The following FAM120C variants were observed in gnomAD, a reference collection of about 807,000 sequenced individuals.
FAM120C encodes the protein constitutive coactivator of PPAR-gamma-like protein 2.
FAM120C carries 14 observed loss-of-function variants against 71.2 expected under a neutral mutation model. The ratio of observed to expected loss-of-function variants is 0.20; its 90% confidence interval spans 0.13 to 0.31. FAM120C has a LOEUF of 0.31. Among genes scored for constraint, FAM120C ranks in the 10% least tolerant of loss-of-function variants. The probability of loss-of-function intolerance (pLI) is 1.00; values close to 1 mark genes in which losing one functional copy is unlikely to be tolerated. For synonymous variants in FAM120C, 354 were observed against 353.2 expected (o/e 1.00, Z -0.03); for missense variants, 500 against 879.0 (o/e 0.57, Z 5.45).
chrX:54,167,316 A>C (rs1557135290), intron 1 of FAM120C, among the ~76,000 whole-genome samples: 2 of 112,134 alleles, frequency 1.8e-5, no homozygotes, highest in African/African-American at 6.5e-5. Flanking sequence ...CGCCTGGCCC[A>C]AATTGGTCCA....
At position 54,082,000 on chromosome X, in the gene FAM120C, T is replaced by G. The variant is rs375061724; in HGVS notation, c.2840-540A>C. ...GAGTTCGAGAGCAGCCTGGCCAACA[T>G]GGGGAAACCTCGCCTCTACTAAAAA... On this transcript the variant is annotated intron_variant, in intron 13 of 15. Transcript: ENST00000375180. 1.1e-3 allele frequency among the ~76,000 whole-genome samples: 119 copies of G among 108,312 alleles called. No homozygotes were observed. The South Asian group carries it at 0.046, about 42-fold the overall frequency. The allele number at this position is 108,312 out of a possible 115,157, so 94.1% of individuals were successfully genotyped here.
intron 10 of FAM120C, among the ~76,000 whole-genome samples, chrX:54,108,656 C>T (rs781865231): frequency 2.1e-4 from 23 of 111,279 alleles, no homozygotes; most frequent in Admixed American, 2.0e-3. Context: ...AATGGCCAGG[C>T]GCGGTGGCTC....
intron 9 of FAM120C, among the ~76,000 whole-genome samples, chrX:54,128,190 C>T (rs1557128360): frequency 9.1e-6 from 1 of 109,993 alleles, no homozygotes; most frequent in East Asian, 2.9e-4. Context: ...CCTCAAGAAG[C>T]TGGGATTACA....
In FAM120C at chrX:54,135,903, A is replaced by C. The variant is rs184329367; in HGVS notation, c.1259-299T>G. On this transcript the variant is annotated intron_variant, in intron 5 of 15. Coordinates refer to ENST00000375180, the MANE Select transcript of FAM120C (RefSeq NM_017848.6). ...GACCCCAAAGACAGGGATATTTTAC[A>C]TATACCAGGCCAGAATGGGGGTTGG... 4.0e-3 allele frequency among the ~76,000 whole-genome samples: 441 copies of C among 111,363 alleles called. 3 individuals are homozygous for C. Among genetic ancestry groups the C allele is most frequent in the South Asian group, 0.022 (59 of 2,651 alleles).
At chrX:54,106,901 C>T (rs909462324) in intron 10 of FAM120C, among the ~76,000 whole-genome samples, 7 of 111,638 alleles carry the variant, frequency 6.3e-5, no homozygotes, top group Non-Finnish European at 1.1e-4. Flanking sequence ...CAGGAAACAA[C>T]AGATGCTGGA....
chrX:54,170,219 C>T (rs191402297), intron 1 of FAM120C, among the ~76,000 whole-genome samples: 2 of 111,398 alleles, frequency 1.8e-5, no homozygotes, highest in Admixed American at 1.9e-4. Context: ...TCACTGCAAC[C>T]TCCACCTCTG....
intron 10 of FAM120C, among the ~76,000 whole-genome samples, chrX:54,104,823 A>T (rs781835788): frequency 1.8e-5 from 2 of 110,514 alleles, no homozygotes; most frequent in Admixed American, 2.0e-4. Context: ...GGGAAAAAAA[A>T]GAAAAAGAAA....
intron 3 of FAM120C, among the ~76,000 whole-genome samples, chrX:54,155,475 C>A (rs782642531): frequency 2.4e-4 from 27 of 111,543 alleles, no homozygotes; most frequent in Non-Finnish European, 1.7e-4. Flanking sequence ...CAGCTAGCCA[C>A]TGGGTTTATT....
At chrX:54,141,946 G>GA (rs2067127684) in intron 4 of FAM120C, among the ~76,000 whole-genome samples, 1 of 111,537 alleles carries the variant, frequency 9.0e-6, no homozygotes, top group African/African-American at 3.2e-5. Flanking sequence ...TTTAGCTGAT[G>GA]AAAAAAATCA....
intron 4 of FAM120C, among the ~76,000 whole-genome samples, chrX:54,143,360 A>T (rs2067136889): frequency 9.1e-6 from 1 of 109,494 alleles, no homozygotes; most frequent in Non-Finnish European, 1.9e-5. Context: ...CCTTCAAAAA[A>T]ATCAATGAAT....
At chrX:54,115,050 C>T (rs782011926) in intron 10 of FAM120C, among the ~76,000 whole-genome samples, 3 of 111,953 alleles carry the variant, frequency 2.7e-5, no homozygotes, top group African/African-American at 9.7e-5. Context: ...TGAGCCACCA[C>T]GCCCAGCCAA....
At chrX:54,160,612 A>G (rs781782777) in intron 1 of FAM120C, among the ~76,000 whole-genome samples, 1 of 111,871 alleles carries the variant, frequency 8.9e-6, no homozygotes, top group South Asian at 3.7e-4. Flanking sequence ...TACCGGCTCC[A>G]CCAAATTAAG....
chrX:54,180,289 C>T (rs1219856023), intron 1 of FAM120C, among the ~76,000 whole-genome samples: 1 of 112,413 alleles, frequency 8.9e-6, no homozygotes, highest in Admixed American at 9.4e-5. Context: ...ATCTACAGCC[C>T]TCTTCATGGC....
intron 4 of FAM120C, among the ~76,000 whole-genome samples, chrX:54,139,329 T>TTTTATTTATTTATTTATTTA (rs375711849): frequency 0.015 from 1,344 of 88,956 alleles, 23 homozygotes; most frequent in African/African-American, 0.022. Flanking sequence ...TTTTTTTTGC[T>TTTTATTTATTTATTTATTTA]TTTATTTATT....
At position 54,183,005 on chromosome X, in the gene FAM120C, G is replaced by A. The variant is rs782089519; in HGVS notation, c.194C>T (p.Pro65Leu). The change falls in exon 1 of 16, where the codon CCG (proline) becomes CTG (leucine). Residue 65 changes from proline (P) to leucine (L), a missense_variant. By Grantham distance (98) the Pro-to-Leu change is moderately conservative (BLOSUM62 -3). Around this residue, in one of 11 missense-constraint regions of FAM120C, gnomAD observed 79 missense variants for 78.3 expected, o/e 1.01. Transcript: ENST00000375180. ...ACCCAAGGCAGCGGGCGGAAGCGGC[G>A]GTTGCAGAGGCACGGAGCCCCTGGC... Reference protein sequence around the residue: ...RAARGSVPLQPPLPPAALGAY... With the variant: ...RAARGSVPLQLPLPPAALGAY... 1.7e-6 allele frequency: 2 copies of A among 1,157,375 alleles called. No homozygotes were observed. The highest frequency in any genetic ancestry group is 3.3e-5 in the East Asian group (1 of 30,522).
Position 54,081,452 on chromosome X carries a change from G to A in FAM120C, c.2848C>T (p.Pro950Ser). 1 of 1,207,571 alleles carries A rather than the reference G, an allele frequency of 8.3e-7. No individual in the cohort carries two copies. The highest frequency in any genetic ancestry group is 1.1e-6 in the Non-Finnish European group (1 of 893,751). Residue 950 changes from proline to serine, a missense_variant, in exon 14 of 16, where the codon CCA becomes TCA. By Grantham distance (74) the Pro-to-Ser change is moderately conservative (BLOSUM62 -1). Transcript: ENST00000375180. ...GRSRGFAGLH[P>S]IPPQGGKLEI... is the part of the protein sequence containing the mutation. Reference sequence around the variant, plus strand: ...AGTTTTCCTCCTTGGGGTGGGATTGGATGGAGACCTGGCAAGATAGAAAGA... The same window carrying A: ...AGTTTTCCTCCTTGGGGTGGGATTGAATGGAGACCTGGCAAGATAGAAAGA...
intron 15 of FAM120C, among the ~76,000 whole-genome samples, chrX:54,075,293 G>T (rs2066729396): frequency 8.9e-6 from 1 of 112,066 alleles, no homozygotes. Context: ...TAAGTAACTT[G>T]CCCAAGGTCA....
chrX:54,161,198 C>T (rs1395343985), intron 1 of FAM120C, among the ~76,000 whole-genome samples: 1 of 112,111 alleles, frequency 8.9e-6, no homozygotes, highest in African/African-American at 3.2e-5. Flanking sequence ...ACCACTCATA[C>T]AAGTCATTGG....
intron 1 of FAM120C, among the ~76,000 whole-genome samples, chrX:54,182,270 T>C (rs1603366810): frequency 9.2e-6 from 1 of 108,947 alleles, no homozygotes; most frequent in Non-Finnish European, 1.9e-5. Flanking sequence ...TGGGATGACA[T>C]GAGTAGAGAT....
Sources: allele counts gnomAD v4.1 joint callset (sites outside exome capture counted in the v4.1 genomes callset), GRCh38; gene constraint gnomAD v4.1.1; regional missense constraint gnomAD v4.1.1; transcripts MANE v1.5; gene names NCBI Gene and HGNC (gene_info 2026-07-23, HGNC 2026-07-21).